LFNG: variants seen among roughly 807,000 people sequenced by gnomAD.
LFNG encodes beta-1,3-N-acetylglucosaminyltransferase lunatic fringe.
Under a neutral mutation model 32.7 loss-of-function variants are expected in LFNG, and 15 were observed. The observed-to-expected ratio is 0.46, with a 90% CI of 0.31 to 0.71. The LOEUF (loss-of-function observed/expected upper bound fraction) is 0.71, where lower values mean the gene tolerates loss of function less well. LFNG is among the 30% of genes least tolerant of loss of function. The pLI, the probability that LFNG is intolerant of heterozygous loss-of-function variation, is 0.06. For synonymous variants in LFNG, 274 were observed against 246.8 expected, an observed-to-expected ratio of 1.11 and a Z score of -1.03; for missense variants, 520 against 545.7, an observed-to-expected ratio of 0.95 and a Z score of 0.47.
upstream of LFNG, chr7:2,517,969 G>T: frequency 9.1e-7 from 1 of 1,096,574 alleles, no homozygotes; most frequent in East Asian, 7.7e-5. Context: ...GGTGGGATGG[G>T]GGTGGAGGCT....
upstream of LFNG, among the ~76,000 whole-genome samples, chr7:2,513,701 C>A (rs1562548044): frequency 6.6e-6 from 1 of 152,226 alleles, no homozygotes; most frequent in Non-Finnish European, 1.5e-5. Flanking sequence ...CACAAGCCAG[C>A]CATTCTTGGC....
intron 2 of LFNG, among the ~76,000 whole-genome samples, 173 bp from the exon 3 acceptor site, chr7:2,525,046 C>T (rs538238283): frequency 5.4e-4 from 83 of 152,326 alleles, no homozygotes; most frequent in African/African-American, 1.8e-3. Context: ...GGCTGGGCTG[C>T]GGGAGGGTCC....
intron 1 of LFNG, among the ~76,000 whole-genome samples, chr7:2,524,182 C>T (rs575671247): frequency 9.8e-4 from 149 of 152,318 alleles, no homozygotes; most frequent in African/African-American, 3.3e-3. Flanking sequence ...AGCCGCCCAG[C>T]GAAGGCCTTT....
intron 5 of LFNG, 27 bp downstream of exon 5, chr7:2,525,797 G>A (rs1281797200): frequency 2.5e-6 from 4 of 1,594,544 alleles, no homozygotes; most frequent in Non-Finnish European, 3.4e-6. Context: ...GGTTAGGCCA[G>A]CCCGGTCCCA....
At chr7:2,523,604 T>G (rs1779853177) in intron 1 of LFNG, 1 of 152,162 alleles carries the variant, frequency 6.6e-6, no homozygotes, top group Admixed American at 6.5e-5. Context: ...TTCCTCCCCG[T>G]GTGCCGGCAG....
Position 2,520,357 on chromosome 7 carries a change from G to A in LFNG, c.432+64G>A. On this transcript the variant is annotated intron_variant, in intron 1 of 7. Transcript: ENST00000222725. This position sits in a 1 kb window ranked among gnomAD's most constrained non-coding sequence, Gnocchi z 5.0. ...CGGGGACCCACCATCTGGTCCAGCT[G>A]GTGGCAGTGTCCCATGGGAGTCAGG... The A allele has an allele frequency of 6.9e-7, 1 of 1,446,512 alleles. No individual in the cohort carries two copies. Among genetic ancestry groups the A allele is most frequent in the Non-Finnish European group, 9.5e-7 (1 of 1,050,412 alleles). 89.6% of individuals were successfully genotyped at this position (1,446,512 alleles called of 1,614,324 possible).
At chr7:2,516,974 A>G (rs2128373921), upstream of LFNG, among the ~76,000 whole-genome samples, 1 of 151,856 alleles carries the variant, frequency 6.6e-6, no homozygotes, top group Admixed American at 6.6e-5. Context: ...CTTCCCCAGG[A>G]CCCTACGGCC....
chr7:2,526,869 C>G lies in LFNG; in HGVS notation c.1021C>G (p.Arg341Gly), dbSNP rs147110861. Residue 341 changes from arginine to glycine, a missense_variant, in exon 7 of 8, where the codon CGG becomes GGG. Arg to Gly is a moderately radical substitution (Grantham distance 125). Coordinates refer to ENST00000222725, the MANE Select transcript of LFNG (RefSeq NM_001040167.2). The surrounding 1 kb of genome is among the most constrained non-coding windows in gnomAD (Gnocchi z 6.9). The stretch of plus-strand genomic sequence containing the variant: ...GAGCTACGGTATGTTTGAAAACAAG[C>G]GGAACGCCGTCCACGTGAAGGGGCC... Reference protein sequence around the residue: ...TLSYGMFENKRNAVHVKGPFS... With the variant: ...TLSYGMFENKGNAVHVKGPFS... The G allele has an allele frequency of 6.2e-7, 1 of 1,612,112 alleles. No homozygotes were observed. The highest frequency in any genetic ancestry group is 8.5e-7 in the Non-Finnish European group (1 of 1,179,856).
In LFNG at chr7:2,528,201, C is replaced by A. The variant is rs1250867836; in HGVS notation, c.*989C>A. 1.0e-6 allele frequency: 1 copy of A among 985,652 alleles called. No individual in the cohort carries two copies. Among genetic ancestry groups the A allele is most frequent in the Non-Finnish European group, 1.2e-6 (1 of 829,812 alleles). The allele number at this position is 985,652 out of a possible 1,614,324, so 61.1% of individuals were successfully genotyped here. A position where few individuals can be genotyped will look rare whatever the true frequency, so the allele number is the denominator to read the frequency against. On this transcript the variant is annotated 3_prime_UTR_variant, in exon 8 of 8. Coordinates refer to ENST00000222725, the MANE Select transcript of LFNG (RefSeq NM_001040167.2). ...CTGTCTGGCACTCTGTGTATTTATG[C>A]GTTCCAGCATCTGGAACCTCCCATC...
upstream of LFNG, chr7:2,517,741 G>A (rs1161596445): frequency 3.6e-6 from 2 of 552,786 alleles, no homozygotes; most frequent in Admixed American, 2.3e-5. Flanking sequence ...ATATTTGGGG[G>A]CTTGGCCATG....
At chr7:2,516,804 G>A (rs978234619), upstream of LFNG, among the ~76,000 whole-genome samples, 2 of 152,246 alleles carry the variant, frequency 1.3e-5, no homozygotes, top group African/African-American at 4.8e-5. Flanking sequence ...GGCCAGAGCT[G>A]GCCTGCCTGG....
chr7:2,525,778 C>T lies in LFNG; in HGVS notation c.821+8C>T, dbSNP rs200827566. ...GATGAGCCCGTGGGCCAGGTGAGTGCCCTGCACAGGTTAGGCCAGCCCGGT... is the reference window on the plus strand; with the variant it reads ...GATGAGCCCGTGGGCCAGGTGAGTGTCCTGCACAGGTTAGGCCAGCCCGGT... On this transcript the variant is annotated splice_region_variant and intron_variant, in intron 5 of 7. Transcript: ENST00000222725. The T allele has an allele frequency of 4.7e-5, 75 of 1,609,280 alleles. No homozygotes were observed. The highest frequency in any genetic ancestry group is 5.9e-5 in the Non-Finnish European group (69 of 1,178,886).
At chr7:2,523,860 G>GA (rs927307348) in intron 1 of LFNG, 1 of 152,418 alleles carries the variant, frequency 6.6e-6, no homozygotes, top group African/African-American at 2.4e-5. Context: ...CAACTTTGCA[G>GA]AACTTCAGGG....
upstream of LFNG, among the ~76,000 whole-genome samples, chr7:2,514,002 T>G (rs1216328325): frequency 1.3e-5 from 2 of 152,228 alleles, no homozygotes; most frequent in Non-Finnish European, 2.9e-5. Flanking sequence ...ACCTCTTCTT[T>G]CTGGCCCCCT....
downstream of LFNG, chr7:2,528,817 T>A: frequency 1.6e-6 from 1 of 634,362 alleles, no homozygotes; most frequent in South Asian, 1.8e-5. Context: ...GGCCTCCTTA[T>A]CCAACTTCAC....
At chr7:2,528,985 A>C (rs1429018482), downstream of LFNG, 1 of 492,822 alleles carries the variant, frequency 2.0e-6, no homozygotes, top group Non-Finnish European at 3.7e-6. Context: ...CGGCCGCCCC[A>C]CAGCTGGTAA....
upstream of LFNG, among the ~76,000 whole-genome samples, chr7:2,514,150 A>C (rs1306293152): frequency 6.6e-6 from 1 of 152,210 alleles, no homozygotes; most frequent in East Asian, 1.9e-4. Context: ...GCCCTCCCCC[A>C]GGCCCCAGGC....
At chr7:2,513,090 T>C, upstream of LFNG, 2 of 1,529,588 alleles carry the variant, frequency 1.3e-6, no homozygotes, top group South Asian at 2.3e-5. Flanking sequence ...GTCTGGGCCC[T>C]GGGCACCTTT....
In LFNG at chr7:2,528,108, T is replaced by C. The variant is rs1780050772; in HGVS notation, c.*896T>C. ...GGGGAGGGTCTTATTTTATCTTATC[T>C]TTTCTGTGGATCAGAAAAAACAGAA... On this transcript the variant is annotated 3_prime_UTR_variant, in exon 8 of 8. Coordinates refer to ENST00000222725, the MANE Select transcript of LFNG (RefSeq NM_001040167.2). The C allele has an allele frequency of 8.1e-6, 8 of 985,416 alleles. No homozygotes were observed. The highest frequency in any genetic ancestry group is 9.6e-6 in the Non-Finnish European group (8 of 829,860). 61.0% of individuals were successfully genotyped at this position (985,416 alleles called of 1,614,324 possible).
Sources: gnomAD v4.1 joint callset for allele counts (sites outside exome capture counted in the v4.1 genomes callset) on GRCh38, gnomAD v4.1.1 for gene constraint, Gnocchi (gnomAD v3.1) non-coding constraint, MANE v1.5 for transcripts, NCBI Gene and HGNC (gene_info 2026-07-23, HGNC 2026-07-21) for gene names.